Variants in AGBL4 observed in about 807,000 individuals in gnomAD.
AGBL4 encodes the protein cytosolic carboxypeptidase 6.
A neutral mutation model predicts 66.4 loss-of-function variants in AGBL4; 58 were observed. The observed-to-expected ratio is 0.87, with a 90% CI of 0.71 to 1.09. The LOEUF is 1.09. Among genes scored for constraint, AGBL4 ranks in the 50% least tolerant of loss-of-function variants. The pLI is 0.00. For synonymous variants in AGBL4, 234 were observed against 222.9 expected (o/e 1.05, Z -0.44); for missense variants, 579 against 631.0 (o/e 0.92, Z 0.88).
intron 3 of AGBL4, among the ~76,000 whole-genome samples, chr1:49,548,005 C>T (rs1403468193): frequency 6.6e-6 from 1 of 152,154 alleles, no homozygotes; most frequent in Non-Finnish European, 1.5e-5. Context: ...AACTCCTGAC[C>T]TTGTGATCCG....
At chr1:49,631,728 A>C (rs541249108) in intron 3 of AGBL4, among the ~76,000 whole-genome samples, 33 of 152,348 alleles carry the variant, frequency 2.2e-4, no homozygotes, top group African/African-American at 6.7e-4. Context: ...CCTTCAGACC[A>C]CAAAGCACCA....
chr1:49,997,071 G>A (rs576546819), intron 1 of AGBL4, among the ~76,000 whole-genome samples: 101 of 152,132 alleles, frequency 6.6e-4, no homozygotes, highest in African/African-American at 1.8e-3. Flanking sequence ...ATCTTGAAAC[G>A]AATCCTCAAA....
At chr1:48,942,104 C>T (rs1401235933) in intron 5 of AGBL4, among the ~76,000 whole-genome samples, 1 of 152,184 alleles carries the variant, frequency 6.6e-6, no homozygotes, top group East Asian at 1.9e-4. Flanking sequence ...ATATAGTCCA[C>T]ATAGGAAAGC....
intron 4 of AGBL4, among the ~76,000 whole-genome samples, chr1:49,232,680 C>T (rs1054268993): frequency 5.4e-5 from 8 of 149,446 alleles, no homozygotes; most frequent in Non-Finnish European, 1.0e-4. Context: ...GCCTGGGTGA[C>T]AGAGCGAGAC....
intron 1 of AGBL4, among the ~76,000 whole-genome samples, chr1:50,014,196 CCCT>C (rs1486126000): frequency 2.0e-5 from 3 of 151,880 alleles, no homozygotes; most frequent in African/African-American, 7.3e-5. Context: ...CACGGTGAAA[CCCT>C]GTCACTACTA....
At chr1:49,731,400 A>C (rs1649437258) in intron 2 of AGBL4, among the ~76,000 whole-genome samples, 1 of 152,234 alleles carries the variant, frequency 6.6e-6, no homozygotes, top group Non-Finnish European at 1.5e-5. Context: ...AGCACTGTAC[A>C]AAGGCTTATT....
chr1:48,818,335 C>A, intron 6 of AGBL4: 1 of 706,876 alleles, frequency 1.4e-6, no homozygotes, highest in South Asian at 1.5e-5. Flanking sequence ...GGGCATATTG[C>A]CTTAATTGGG....
intron 4 of AGBL4, among the ~76,000 whole-genome samples, chr1:49,092,567 G>A (rs1645021637): frequency 6.6e-6 from 1 of 152,092 alleles, no homozygotes; most frequent in Non-Finnish European, 1.5e-5. Flanking sequence ...TTAAACCTAT[G>A]TAAAGCATCT....
Position 48,887,632 on chromosome 1 carries a change from A to G in AGBL4, c.595-20402T>C, listed in dbSNP as rs543100075. ...CAGCTAGCAATGAGGCAGAGTCAGT[A>G]TTTTGCCTTGGGTCTACCTAACACC... is the stretch of plus-strand genomic sequence containing the variant. On this transcript the variant is annotated intron_variant, in intron 5 of 13. Coordinates refer to ENST00000371839, the MANE Select transcript of AGBL4 (RefSeq NM_032785.4). Among the ~76,000 whole-genome samples the G allele has an allele frequency of 6.6e-5, 10 of 152,228 alleles. No individual in the cohort carries two copies. The South Asian group carries it at 1.9e-3, about 28-fold the overall frequency.
intron 1 of AGBL4, among the ~76,000 whole-genome samples, chr1:49,861,049 G>A (rs1646560225): frequency 6.6e-6 from 1 of 152,120 alleles, no homozygotes; most frequent in Non-Finnish European, 1.5e-5. Context: ...TTCTGTTAGA[G>A]CTGGGGGAAG....
intron 4 of AGBL4, among the ~76,000 whole-genome samples, chr1:49,218,795 C>A (rs535523085): frequency 1.3e-5 from 2 of 152,026 alleles, no homozygotes; most frequent in Non-Finnish European, 2.9e-5. Context: ...AGGGACACAG[C>A]GGGAGGTAAC....
intron 3 of AGBL4, among the ~76,000 whole-genome samples, chr1:49,618,747 C>T (rs993674815): frequency 3.9e-5 from 6 of 152,156 alleles, no homozygotes; most frequent in Admixed American, 3.3e-4. Flanking sequence ...TCAAATCCAG[C>T]AACACATCAA....
chr1:49,366,497 G>C (rs924264457), intron 3 of AGBL4, among the ~76,000 whole-genome samples: 2 of 152,138 alleles, frequency 1.3e-5, no homozygotes, highest in African/African-American at 4.8e-5. Context: ...AATCTTAGGG[G>C]TGTAGGAGTT....
chr1:49,674,571 T>TGCACAC (rs141503593), intron 3 of AGBL4, among the ~76,000 whole-genome samples: 2 of 143,794 alleles, frequency 1.4e-5, no homozygotes, highest in South Asian at 4.5e-4. Flanking sequence ...AAGAATAAAA[T>TGCACAC]ACACACACAC....
At chr1:49,912,044 T>G (rs74078101) in intron 1 of AGBL4, among the ~76,000 whole-genome samples, 2,845 of 152,312 alleles carry the variant, frequency 0.019, 82 homozygotes, top group African/African-American at 0.063. Flanking sequence ...TTCTTCTTGC[T>G]GTGGTTGAGG....
At chr1:49,225,335 C>T (rs534186063) in intron 4 of AGBL4, among the ~76,000 whole-genome samples, 1 of 152,338 alleles carries the variant, frequency 6.6e-6, no homozygotes, top group South Asian at 2.1e-4. Context: ...AAATGATCTT[C>T]TCTTGCATAT....
intron 3 of AGBL4, among the ~76,000 whole-genome samples, chr1:49,514,609 A>G (rs1340999728): frequency 6.6e-6 from 1 of 152,156 alleles, no homozygotes; most frequent in Non-Finnish European, 1.5e-5. Context: ...ACAAAGCTGG[A>G]GGCATCACGC....
chr1:49,613,962 TG>T (rs900552680), intron 3 of AGBL4, among the ~76,000 whole-genome samples: 3 of 152,276 alleles, frequency 2.0e-5, no homozygotes, highest in African/African-American at 7.2e-5. Flanking sequence ...ATGTGAGAAA[TG>T]GAAAATATGT....
intron 5 of AGBL4, among the ~76,000 whole-genome samples, chr1:49,005,675 C>A (rs943261611): frequency 1.3e-5 from 2 of 152,226 alleles, no homozygotes; most frequent in Non-Finnish European, 2.9e-5. Context: ...TAGGAAAAAA[C>A]ATAGTATATA....
Sources: allele counts gnomAD v4.1 joint callset (sites outside exome capture counted in the v4.1 genomes callset), GRCh38; gene constraint gnomAD v4.1.1; transcripts MANE v1.5; gene names NCBI Gene and HGNC (gene_info 2026-07-23, HGNC 2026-07-21).